The following DOCK2 variants were observed in gnomAD, a reference collection of about 807,000 sequenced individuals.
DOCK2 encodes dedicator of cytokinesis protein 2.
Under a neutral mutation model 248.9 loss-of-function variants are expected in DOCK2, and 87 were observed. The observed-to-expected ratio is 0.35, with a 90% CI of 0.29 to 0.42. DOCK2 has a LOEUF of 0.42. Ranked by LOEUF, DOCK2 falls within the 10% of genes least tolerant of loss-of-function variation. The pLI, the probability that DOCK2 is intolerant of heterozygous loss-of-function variation, is 1.00. For missense variants in DOCK2, 1,747 were observed against 2,300.2 expected (o/e 0.76, Z 4.92); for synonymous variants, 805 against 821.6 (o/e 0.98, Z 0.35).
chr5:169,961,197 GC>G (rs1242632730), intron 27 of DOCK2, among the ~76,000 whole-genome samples: 2 of 152,192 alleles, frequency 1.3e-5, no homozygotes, highest in Non-Finnish European at 2.9e-5. Context: ...TAAATGGGTA[GC>G]CCCCCAAGGG....
intron 30 of DOCK2, among the ~76,000 whole-genome samples, chr5:170,008,042 G>A (rs1755116977): frequency 6.6e-6 from 1 of 152,092 alleles, no homozygotes; most frequent in African/African-American, 2.4e-5. Flanking sequence ...AAGCTGTCAG[G>A]TGAATTAGGG....
At chr5:169,678,711 T>A (rs1561591905) in intron 6 of DOCK2, among the ~76,000 whole-genome samples, 1 of 152,200 alleles carries the variant, frequency 6.6e-6, no homozygotes, top group Non-Finnish European at 1.5e-5. Context: ...AGAGTTCAAG[T>A]GCTTGACTGC....
At chr5:169,825,535 C>T (rs1378214861) in intron 26 of DOCK2, among the ~76,000 whole-genome samples, 2 of 147,108 alleles carry the variant, frequency 1.4e-5, no homozygotes, top group Non-Finnish European at 3.0e-5. Context: ...AAACCAAACA[C>T]CGCATGTTCT....
chr5:170,065,703 G>GAAAAAAAA (rs1459947660), intron 44 of DOCK2, among the ~76,000 whole-genome samples: 6 of 152,174 alleles, frequency 3.9e-5, no homozygotes, highest in African/African-American at 1.4e-4. Context: ...TTAAAAAAGG[G>GAAAAAAAA]ATCTTGTGAG....
chr5:170,032,262 G>A (rs751559357), intron 34 of DOCK2, among the ~76,000 whole-genome samples: 3 of 152,040 alleles, frequency 2.0e-5, no homozygotes, highest in Admixed American at 6.6e-5. Context: ...TCCTGACCTC[G>A]TGATCTGCCC....
chr5:170,041,877 T>C (rs1174810895), intron 37 of DOCK2, 136 bp from the exon 38 acceptor site: 1 of 1,115,266 alleles, frequency 9.0e-7, no homozygotes, highest in African/African-American at 1.6e-5. Context: ...AGAAATAAGC[T>C]GAGTTCAAGA....
In DOCK2 at chr5:169,718,811, G is replaced by C; in HGVS notation, c.2267+20G>C. ...TTCACAGTGAGTACTTGTTATGTAAGAGTGATTGATTAGCTCTGCAATTCC... is the reference window on the plus strand; with the variant it reads ...TTCACAGTGAGTACTTGTTATGTAACAGTGATTGATTAGCTCTGCAATTCC... On this transcript the variant is annotated intron_variant, in intron 22 of 51. Transcript: ENST00000520908. 6.2e-7 allele frequency: 1 copy of C among 1,605,118 alleles called. No individual in the cohort carries two copies. Among genetic ancestry groups the C allele is most frequent in the Non-Finnish European group, 8.5e-7 (1 of 1,173,026 alleles).
chr5:169,644,720 C>T (rs1413374050), intron 1 of DOCK2, among the ~76,000 whole-genome samples: 1 of 151,736 alleles, frequency 6.6e-6, no homozygotes, highest in East Asian at 1.9e-4. Flanking sequence ...GTTTGCTGCA[C>T]CTATCTTCCC....
At chr5:169,872,482 T>C (rs1772041817) in intron 27 of DOCK2, among the ~76,000 whole-genome samples, 1 of 152,216 alleles carries the variant, frequency 6.6e-6, no homozygotes, top group South Asian at 2.1e-4. Context: ...TTGCAGCTAT[T>C]TCAAATTGGC....
At chr5:169,872,802 C>T (rs1341435988) in intron 27 of DOCK2, among the ~76,000 whole-genome samples, 4 of 152,178 alleles carry the variant, frequency 2.6e-5, no homozygotes, top group Non-Finnish European at 5.9e-5. Flanking sequence ...AGCCCTGGCT[C>T]CCTGGGATCT....
chr5:169,766,764 TTTTA>T (rs1437670221), intron 25 of DOCK2, among the ~76,000 whole-genome samples: 1 of 152,144 alleles, frequency 6.6e-6, no homozygotes, highest in Admixed American at 6.5e-5. Flanking sequence ...ATTTTTGACT[TTTTA>T]TTTATTTATT....
At chr5:169,807,168 G>A (rs1362180697) in intron 26 of DOCK2, among the ~76,000 whole-genome samples, 3 of 152,146 alleles carry the variant, frequency 2.0e-5, no homozygotes, top group African/African-American at 7.2e-5. Flanking sequence ...TTGGTCTGGG[G>A]TGGGTGGGGC....
At chr5:169,976,086 T>C (rs888531391) in intron 27 of DOCK2, among the ~76,000 whole-genome samples, 9 of 152,224 alleles carry the variant, frequency 5.9e-5, no homozygotes, top group African/African-American at 1.9e-4. Context: ...CCCTATAACA[T>C]TCTTTTGGAG....
chr5:169,718,350 A>G (rs1053420760), intron 21 of DOCK2, among the ~76,000 whole-genome samples: 4 of 152,170 alleles, frequency 2.6e-5, no homozygotes, highest in Non-Finnish European at 4.4e-5. Flanking sequence ...GAAAAAAAAG[A>G]CATTATTGCC....
intron 14 of DOCK2, among the ~76,000 whole-genome samples, chr5:169,706,170 C>A (rs1012441356): frequency 2.6e-5 from 4 of 152,220 alleles, no homozygotes; most frequent in African/African-American, 9.6e-5. Context: ...CTTAGGAAAT[C>A]AAAAATTTTC....
chr5:169,897,050 T>C (rs1487595523), intron 27 of DOCK2, among the ~76,000 whole-genome samples: 1 of 152,210 alleles, frequency 6.6e-6, no homozygotes, highest in Non-Finnish European at 1.5e-5. Context: ...TTTTGTAGCC[T>C]TGAACTCTAA....
Position 170,028,740 on chromosome 5 carries a change from A to AAC in DOCK2, c.3467+819_3467+820dup, listed in dbSNP as rs59193270. Among the ~76,000 whole-genome samples the AAC allele has an allele frequency of 6.4e-3, 945 of 148,736 alleles. 4 individuals carry two copies. The highest frequency in any genetic ancestry group is 0.012 in the East Asian group (58 of 5,036). On this transcript the variant is annotated intron_variant, in intron 34 of 51. Transcript: ENST00000520908. ...TGCACCCCTTAGCCACTGCTCTGCC[A>AAC]ACACACACACACACACACACACACA... is the stretch of plus-strand genomic sequence containing the variant.
intron 26 of DOCK2, among the ~76,000 whole-genome samples, chr5:169,804,491 C>CGA (rs1306856665): frequency 1.4e-5 from 1 of 71,780 alleles, no homozygotes; most frequent in African/African-American, 3.2e-5. Context: ...TGTGTGCGCG[C>CGA]GCGCGTGCGC....
At chr5:169,658,877 CA>C (rs1422433529) in intron 2 of DOCK2, among the ~76,000 whole-genome samples, 2 of 151,328 alleles carry the variant, frequency 1.3e-5, no homozygotes, top group South Asian at 2.1e-4. Flanking sequence ...AAAAATAAGG[CA>C]AAAAAAGTAT....
Sources: allele counts gnomAD v4.1 joint callset (sites outside exome capture counted in the v4.1 genomes callset), GRCh38; gene constraint gnomAD v4.1.1; transcripts MANE v1.5; gene names NCBI Gene and HGNC (gene_info 2026-07-23, HGNC 2026-07-21).